ESR1: variants seen among roughly 807,000 people sequenced by gnomAD.
ESR1 encodes estrogen receptor 1.
A neutral mutation model predicts 52.7 loss-of-function variants in ESR1; 12 were observed. The observed-to-expected ratio is 0.23, with a 90% CI of 0.15 to 0.37. ESR1 has a LOEUF of 0.37. Ranked by LOEUF, ESR1 falls within the 10% of genes least tolerant of loss-of-function variation. The pLI, the probability that ESR1 is intolerant of heterozygous loss-of-function variation, is 1.00. For synonymous variants in ESR1, 305 were observed against 316.8 expected (o/e 0.96, Z 0.39); for missense variants, 584 against 779.7 (o/e 0.75, Z 2.99).
At chr6:151,721,488 G>A (rs1781459691) in intron 2 of ESR1, among the ~76,000 whole-genome samples, 1 of 152,178 alleles carries the variant, frequency 6.6e-6, no homozygotes, top group South Asian at 2.1e-4. Flanking sequence ...AGATAGAAGA[G>A]GATAGGGCCA....
At chr6:151,977,963 G>GAAAAAAAAAA (rs5880951) in intron 4 of ESR1, among the ~76,000 whole-genome samples, 8 of 118,358 alleles carry the variant, frequency 6.8e-5, no homozygotes, top group Non-Finnish European at 1.0e-4. Context: ...AAAAAAAAAA[G>GAAAAAAAAAA]AAAAAAAAAA....
At chr6:151,886,494 T>C (rs967824028) in intron 3 of ESR1, among the ~76,000 whole-genome samples, 8 of 152,068 alleles carry the variant, frequency 5.3e-5, no homozygotes, top group Admixed American at 3.9e-4. Flanking sequence ...AAATAACAAA[T>C]AAATCCAAAA....
chr6:151,760,576 C>G (rs574095752), intron 2 of ESR1, among the ~76,000 whole-genome samples: 1 of 152,234 alleles, frequency 6.6e-6, no homozygotes, highest in African/African-American at 2.4e-5. Context: ...CCTTCCCGGA[C>G]CTATTATGGT....
chr6:151,943,281 G>A (rs1469914339), intron 3 of ESR1, among the ~76,000 whole-genome samples: 1 of 152,022 alleles, frequency 6.6e-6, no homozygotes, highest in Non-Finnish European at 1.5e-5. Flanking sequence ...TCAGGAGGCT[G>A]AGGCAGGAGA....
intron 1 of ESR1, among the ~76,000 whole-genome samples, chr6:151,815,150 T>C (rs1266102801): frequency 6.6e-6 from 1 of 152,248 alleles, no homozygotes; most frequent in Admixed American, 6.5e-5. Flanking sequence ...AAAGGTTCTT[T>C]CTGGTGACTT....
chr6:151,671,499 A>C (rs968156547), intron 1 of ESR1, among the ~76,000 whole-genome samples: 1 of 152,186 alleles, frequency 6.6e-6, no homozygotes, highest in Non-Finnish European at 1.5e-5. Context: ...GTAGACACAG[A>C]GAGGAGAATG....
intron 5 of ESR1, among the ~76,000 whole-genome samples, chr6:152,059,577 G>A (rs1289359137): frequency 6.6e-6 from 1 of 152,110 alleles, no homozygotes; most frequent in Non-Finnish European, 1.5e-5. Context: ...CAAAGGACAA[G>A]AGCAGGCAGT....
intron 5 of ESR1, among the ~76,000 whole-genome samples, chr6:152,028,193 T>C (rs1160126364): frequency 6.6e-6 from 1 of 152,080 alleles, no homozygotes; most frequent in African/African-American, 2.4e-5. Flanking sequence ...TAGGAACAGC[T>C]CCAGTCTGCA....
intron 2 of ESR1, among the ~76,000 whole-genome samples, chr6:151,713,733 C>G (rs1454398064): frequency 1.3e-5 from 2 of 151,826 alleles, no homozygotes; most frequent in Non-Finnish European, 2.9e-5. Flanking sequence ...CTCTTTTCTT[C>G]TTTATTAGTC....
chr6:151,766,307 T>C (rs1480043110), intron 2 of ESR1, among the ~76,000 whole-genome samples: 9 of 152,136 alleles, frequency 5.9e-5, no homozygotes, highest in African/African-American at 1.9e-4. Context: ...GAGGACTCTC[T>C]GATACTAAAC....
chr6:152,003,953 A>T (rs2042149291), intron 4 of ESR1, among the ~76,000 whole-genome samples: 1 of 152,032 alleles, frequency 6.6e-6, no homozygotes. Flanking sequence ...AATATTTCAT[A>T]AAATTTATAT....
intron 4 of ESR1, among the ~76,000 whole-genome samples, chr6:151,986,908 T>A (rs1562635184): frequency 1.3e-5 from 2 of 151,976 alleles, no homozygotes; most frequent in Non-Finnish European, 2.9e-5. Flanking sequence ...TGAGCATGTG[T>A]GTGTGTGTGT....
At chr6:151,889,492 A>G (rs1055015806) in intron 3 of ESR1, among the ~76,000 whole-genome samples, 2 of 152,130 alleles carry the variant, frequency 1.3e-5, no homozygotes, top group African/African-American at 4.8e-5. Flanking sequence ...TTTCTGTGCT[A>G]TCAGTTGTAA....
chr6:151,864,939 G>T (rs1426212122), intron 2 of ESR1, among the ~76,000 whole-genome samples: 1 of 115,780 alleles, frequency 8.6e-6, no homozygotes, highest in Admixed American at 1.2e-4. Context: ...GGCCTGTTGT[G>T]GGGTGGGGGG....
At chr6:152,001,849 A>G (rs774974139) in intron 4 of ESR1, among the ~76,000 whole-genome samples, 41 of 152,006 alleles carry the variant, frequency 2.7e-4, no homozygotes, top group Non-Finnish European at 4.7e-4. Context: ...ATAGGGAACT[A>G]TAGAAAGACT....
chr6:152,046,636 A>C (rs2128913599), intron 5 of ESR1, among the ~76,000 whole-genome samples: 1 of 152,356 alleles, frequency 6.6e-6, no homozygotes, highest in East Asian at 1.9e-4. Context: ...TAAGAATGAA[A>C]GAGACAAAAG....
chr6:151,685,065 T>A (rs181830804), intron 1 of ESR1, among the ~76,000 whole-genome samples: 1 of 149,290 alleles, frequency 6.7e-6, no homozygotes, highest in Admixed American at 6.7e-5. Context: ...AGCAACAGAG[T>A]CTCTGCTGTA....
chr6:151,980,017 A>T (rs2039840677), intron 4 of ESR1, among the ~76,000 whole-genome samples: 1 of 152,198 alleles, frequency 6.6e-6, no homozygotes, highest in South Asian at 2.1e-4. Flanking sequence ...TATTTTTTTT[A>T]AATGACAAGA....
chr6:151,737,133 C>CT (rs1007271839), intron 2 of ESR1, among the ~76,000 whole-genome samples: 3 of 152,006 alleles, frequency 2.0e-5, no homozygotes, highest in South Asian at 4.2e-4. Flanking sequence ...CTTCCCCATG[C>CT]TTTTTTTCAG....
Sources: allele counts gnomAD v4.1 joint callset (sites outside exome capture counted in the v4.1 genomes callset), GRCh38; gene constraint gnomAD v4.1.1; transcripts MANE v1.5; gene names NCBI Gene and HGNC (gene_info 2026-07-23, HGNC 2026-07-21).